Variants in MTCL1 observed in about 807,000 individuals in gnomAD.
MTCL1 encodes microtubule cross-linking factor 1.
In MTCL1, 79 loss-of-function variants were observed where a neutral mutation model predicts 141.4. That is an observed-to-expected ratio of 0.56 (90% confidence interval 0.47 to 0.67). MTCL1 has a LOEUF of 0.67. MTCL1 is among the 30% of genes least tolerant of loss of function. The pLI is 0.00. For synonymous variants in MTCL1, 914 were observed against 875.8 expected (o/e 1.04, Z -0.77); for missense variants, 2,177 against 2,113.9 (o/e 1.03, Z -0.59).
rs150092770 is a variant in MTCL1 at position 8,830,485 on chromosome 18, C to T, written c.*19-1122C>T. 1.1e-3 allele frequency: 1,072 copies of T among 985,864 alleles called. 9 individuals carry two copies. In the African/African-American group the frequency reaches 0.014, roughly 12 times the overall value. 61.1% of individuals were successfully genotyped at this position (985,864 alleles called of 1,614,324 possible). A position where few individuals can be genotyped will look rare whatever the true frequency, so the allele number is the denominator to read the frequency against. On this transcript the variant is annotated intron_variant, in intron 16 of 16. Coordinates refer to ENST00000359865, the Ensembl canonical transcript of MTCL1. The surrounding 1 kb of genome is among the most constrained non-coding windows in gnomAD (Gnocchi z 6.4). Reference sequence around the variant, plus strand: ...GTCTCTGCCGTGTTCCATCTTCTCCCGAGTGACACTGCCCATTCCGTGCAG... The same window carrying T: ...GTCTCTGCCGTGTTCCATCTTCTCCTGAGTGACACTGCCCATTCCGTGCAG...
intron 4 of MTCL1, among the ~76,000 whole-genome samples, chr18:8,737,110 A>G (rs1225480512): frequency 5.3e-5 from 8 of 152,152 alleles, no homozygotes; most frequent in Non-Finnish European, 8.8e-5. Flanking sequence ...GCTGCACTGG[A>G]TATTGCCTGT....
At chr18:8,780,409 C>G (rs1012691901) in intron 5 of MTCL1, among the ~76,000 whole-genome samples, 1 of 152,254 alleles carries the variant, frequency 6.6e-6, no homozygotes, top group African/African-American at 2.4e-5. Context: ...GCCCTGCCCC[C>G]ACCTTGTCCA....
At chr18:8,826,568 C>T (rs1201541431) in intron 15 of MTCL1, among the ~76,000 whole-genome samples, 1 of 152,172 alleles carries the variant, frequency 6.6e-6, no homozygotes, top group Non-Finnish European at 1.5e-5. Context: ...TGAATTCGTG[C>T]ACATGTACAA....
At chr18:8,788,487 A>G (rs530535674) in intron 7 of MTCL1, among the ~76,000 whole-genome samples, 2 of 152,234 alleles carry the variant, frequency 1.3e-5, no homozygotes, top group East Asian at 1.9e-4. Flanking sequence ...TGCCTTATGG[A>G]TTTTTATATT....
chr18:8,776,041 C>T (rs1013248884), intron 4 of MTCL1, among the ~76,000 whole-genome samples: 2 of 152,110 alleles, frequency 1.3e-5, no homozygotes, highest in African/African-American at 2.4e-5. Context: ...GTTCTAACTG[C>T]GATGTAAGGG....
chr18:8,718,986 A>C (rs2096149864), intron 3 of MTCL1, among the ~76,000 whole-genome samples: 2 of 151,928 alleles, frequency 1.3e-5, no homozygotes, highest in South Asian at 4.1e-4. Context: ...TTATCAGTGT[A>C]GTCAAAGGCC....
intron 4 of MTCL1, among the ~76,000 whole-genome samples, chr18:8,721,305 T>G (rs960128385): frequency 6.6e-6 from 1 of 152,178 alleles, no homozygotes; most frequent in African/African-American, 2.4e-5. Flanking sequence ...AGTTTCCTGA[T>G]TCACACAGTT....
rs1444152458 is a variant in MTCL1 at position 8,725,271 on chromosome 18, C to T, written c.357+4775C>T. On this transcript the variant is annotated intron_variant, in intron 4 of 16. Transcript: ENST00000359865. ...GAACCAACTAAGAGACGACTTCTTGCGGCTGCCTTTCCTCAAGCTCAGAAA... is the reference window on the plus strand; with the variant it reads ...GAACCAACTAAGAGACGACTTCTTGTGGCTGCCTTTCCTCAAGCTCAGAAA... 3.3e-5 allele frequency among the ~76,000 whole-genome samples: 5 copies of T among 152,240 alleles called. No homozygotes were observed. The South Asian group carries it at 8.3e-4, about 25-fold the overall frequency.
chr18:8,778,310 G>A (rs1056300193), intron 5 of MTCL1, among the ~76,000 whole-genome samples: 2 of 152,186 alleles, frequency 1.3e-5, no homozygotes, highest in African/African-American at 2.4e-5. Flanking sequence ...CAAGCTGAAC[G>A]ATATCTTGAA....
At chr18:8,786,161 G>C in intron 7 of MTCL1, 70 bp downstream of exon 6, 1 of 1,484,980 alleles carries the variant, frequency 6.7e-7, no homozygotes, top group Non-Finnish European at 9.1e-7. Context: ...GCTGTGTGAC[G>C]TTTTCTGTCC....
rs2077169565 is a variant in MTCL1, at chr18:8,830,750, A to T, written c.*19-857A>T. ...GGGCAACTCAGTTTTCTCATGCCAC[A>T]GCTTTTTACATTTCTGTGTATCAGC... On this transcript the variant is annotated intron_variant, in intron 16 of 16. Coordinates refer to ENST00000359865, the Ensembl canonical transcript of MTCL1. This position sits in a 1 kb window ranked among gnomAD's most constrained non-coding sequence, Gnocchi z 6.4. 1.0e-6 allele frequency: 1 copy of T among 985,328 alleles called. No individual in the cohort carries two copies. The highest frequency in any genetic ancestry group is 4.7e-5 in the South Asian group (1 of 21,296). The allele number at this position is 985,328 out of a possible 1,614,324, so 61.0% of individuals were successfully genotyped here.
chr18:8,720,635 GT>G, intron 4 of MTCL1, 139 bp downstream of exon 3: 4 of 805,556 alleles, frequency 5.0e-6, no homozygotes, highest in Admixed American at 3.2e-5. Context: ...AAGTTAGATT[GT>G]TTTTACATTT....
intron 10 of MTCL1, among the ~76,000 whole-genome samples, chr18:8,806,094 C>T (rs2076287742): frequency 6.6e-6 from 1 of 152,098 alleles, no homozygotes. Context: ...AGGATTGTGC[C>T]AAATACTGGA....
chr18:8,775,225 GGAGA>G (rs2096501835), intron 4 of MTCL1, among the ~76,000 whole-genome samples: 1 of 152,096 alleles, frequency 6.6e-6, no homozygotes, highest in African/African-American at 2.4e-5. Context: ...TTAAAGCTTG[GGAGA>G]GAGCCTGCTG....
At chr18:8,814,721 C>T (rs2039687725) in intron 12 of MTCL1, among the ~76,000 whole-genome samples, 1 of 152,228 alleles carries the variant, frequency 6.6e-6, no homozygotes, top group East Asian at 1.9e-4. Context: ...TTACATCCCT[C>T]CTGTACCCCA....
chr18:8,803,075 G>A (rs1311144266), intron 10 of MTCL1, among the ~76,000 whole-genome samples: 2 of 151,904 alleles, frequency 1.3e-5, no homozygotes, highest in Non-Finnish European at 2.9e-5. Context: ...ATTCTCTCAG[G>A]ATGACTCACT....
At chr18:8,784,892 C>T (rs1260137595) in intron 6 of MTCL1, 49 bp downstream of exon 5, 12 of 1,478,422 alleles carry the variant, frequency 8.1e-6, no homozygotes, top group Admixed American at 2.1e-5. Context: ...GCTCTTCCTC[C>T]TTCTCGCTGG....
chr18:8,772,810 CTG>C (rs1183985548), intron 4 of MTCL1, among the ~76,000 whole-genome samples: 4 of 151,762 alleles, frequency 2.6e-5, no homozygotes, highest in Non-Finnish European at 5.9e-5. Flanking sequence ...AAAAGCATGA[CTG>C]TGTCTAGAAA....
rs143565582 is a variant in MTCL1, at chr18:8,720,581, C to T, written c.357+85C>T. On this transcript the variant is annotated intron_variant, in intron 4 of 16. Transcript: ENST00000359865. ...CCAAGTGCCCCCTTCTCATTGTGGT[C>T]GAAAGCTGGGGTTGGCAAATCGTGG... is the stretch of plus-strand genomic sequence containing the variant. 446 of 1,378,910 alleles carry T rather than the reference C, an allele frequency of 3.2e-4. No individual in the cohort carries two copies. In the African/African-American group the frequency reaches 5.3e-3, roughly 16 times the overall value. The allele number at this position is 1,378,910 out of a possible 1,614,324, so 85.4% of individuals were successfully genotyped here. A position where few individuals can be genotyped will look rare whatever the true frequency, so the allele number is the denominator to read the frequency against.
Sources: allele counts gnomAD v4.1 joint callset (sites outside exome capture counted in the v4.1 genomes callset), GRCh38; gene constraint gnomAD v4.1.1; non-coding constraint Gnocchi (gnomAD v3.1); transcripts MANE v1.5; gene names NCBI Gene and HGNC (gene_info 2026-07-23, HGNC 2026-07-21).